CHD1: variants seen among roughly 807,000 people sequenced by gnomAD.
CHD1 encodes chromodomain helicase DNA binding protein 1.
CHD1 carries 36 observed loss-of-function variants against 224.2 expected under a neutral mutation model. The ratio of observed to expected loss-of-function variants is 0.16; its 90% CI spans 0.12 to 0.21. The LOEUF (loss-of-function observed/expected upper bound fraction) is 0.21, where lower values mean the gene tolerates loss of function less well. Among genes scored for constraint, CHD1 ranks in the 10% least tolerant of loss-of-function variants. The probability of loss-of-function intolerance (pLI) is 1.00; values close to 1 mark genes in which losing one functional copy is unlikely to be tolerated. For synonymous variants in CHD1, 668 were observed against 658.3 expected (o/e 1.01, Z -0.23); for missense variants, 1,378 against 1,994.8 (o/e 0.69, Z 5.89).
At chr5:98,856,788 G>C in intron 35 of CHD1, 63 bp from the exon 36 acceptor site, 1 of 1,072,756 alleles carries the variant, frequency 9.3e-7, no homozygotes, top group Non-Finnish European at 1.3e-6. Flanking sequence ...CCAAATAAAA[G>C]ATAACTAAAA....
intron 19 of CHD1, 150 bp from the exon 20 acceptor site, chr5:98,882,273 T>C (rs1750245951): frequency 5.1e-6 from 3 of 593,586 alleles, no homozygotes; most frequent in Non-Finnish European, 5.7e-6. Flanking sequence ...AAAACATGTT[T>C]AAAGCTAGAG....
At chr5:98,862,684 C>T (rs1056849394) in intron 32 of CHD1, among the ~76,000 whole-genome samples, 2 of 152,138 alleles carry the variant, frequency 1.3e-5, no homozygotes, top group Non-Finnish European at 2.9e-5. Flanking sequence ...CATTCTAACT[C>T]TTTGAACCTC....
chr5:98,859,937 A>G, intron 33 of CHD1, 35 bp downstream of exon 33: 1 of 1,080,760 alleles, frequency 9.3e-7, no homozygotes, highest in South Asian at 1.6e-5. Flanking sequence ...TTTTAATTAT[A>G]TAAATTCAGG....
At chr5:98,926,599 C>T (rs1268593494) in intron 1 of CHD1, 65 bp from the exon 2 acceptor site, 2 of 350,332 alleles carry the variant, frequency 5.7e-6, no homozygotes, top group African/African-American at 4.3e-5. Flanking sequence ...TAAGCCCTGT[C>T]TAAAACGTAT....
Position 98,881,096 on chromosome 5 carries a change from C to G in CHD1, c.3040G>C (p.Glu1014Gln). 6.2e-7 allele frequency: 1 copy of G among 1,609,546 alleles called. No homozygotes were observed. The highest frequency in any genetic ancestry group is 1.7e-4 in the Middle Eastern group (1 of 5,938). The change falls in exon 22 of 36, where the codon GAA becomes CAA. Residue 1014 changes from glutamate (E) to glutamine (Q), a missense_variant. By Grantham distance (29) the Glu-to-Gln change is conservative. Around this residue, in one of 16 missense-constraint regions of CHD1, gnomAD observed 286 missense variants for 445.1 expected, o/e 0.64. Transcript: ENST00000614616. ...NEPGPLTVGD[E>Q]LLSQFKVANF... ...TCTACCTTGAACTGGGAAAGCAATT[C>G]ATCTCCTACAGTTAAAGGACCTGGT...
At chr5:98,872,240 T>C (rs780543257) in intron 27 of CHD1, 39 bp from the exon 28 acceptor site, 2 of 1,567,802 alleles carry the variant, frequency 1.3e-6, no homozygotes, top group South Asian at 2.4e-5. Context: ...AGTTTGTAAT[T>C]GCCTTAACTG....
chr5:98,900,748 A>G, intron 7 of CHD1, 63 bp downstream of exon 7: 1 of 1,432,790 alleles, frequency 7.0e-7, no homozygotes, highest in Non-Finnish European at 9.6e-7. Flanking sequence ...CACTGTGCCC[A>G]GCCCTCTACT....
At chr5:98,878,709 T>C (rs2112374174) in intron 23 of CHD1, among the ~76,000 whole-genome samples, 1 of 152,254 alleles carries the variant, frequency 6.6e-6, no homozygotes, top group South Asian at 2.1e-4. Flanking sequence ...ACAAACATAG[T>C]TGAAAAATTT....
intron 2 of CHD1, among the ~76,000 whole-genome samples, chr5:98,920,459 T>C (rs184582209): frequency 1.3e-5 from 2 of 152,194 alleles, no homozygotes; most frequent in Non-Finnish European, 1.5e-5. Context: ...TTTATCTTTG[T>C]GGTATTCTTT....
intron 32 of CHD1, chr5:98,860,438 G>A: frequency 5.6e-5 from 14 of 251,886 alleles, no homozygotes; most frequent in East Asian, 1.1e-4. Flanking sequence ...TAACTGGAGT[G>A]GAAATACCAT....
intron 28 of CHD1, 69 bp downstream of exon 28, chr5:98,871,982 T>C: frequency 2.9e-6 from 4 of 1,381,130 alleles, no homozygotes; most frequent in Non-Finnish European, 3.9e-6. Context: ...CCAACATAAT[T>C]TAAAAGCAAG....
In CHD1 at chr5:98,855,690, G is replaced by T. The variant is rs910903521; in HGVS notation, c.*690C>A. 2.7e-5 allele frequency: 4 copies of T among 148,798 alleles called. No homozygotes were observed. Among genetic ancestry groups the T allele is most frequent in the African/African-American group, 9.9e-5 (4 of 40,324 alleles). The allele number at this position is 148,798 out of a possible 1,614,324, so 9.2% of individuals were successfully genotyped here. ...CTGATTTTTTTTTTTTTAATAAGAA[G>T]GCCTGAGTTGGTAGGGAAAGGAACA... On this transcript the variant is annotated 3_prime_UTR_variant, in exon 36 of 36. Transcript: ENST00000614616.
At chr5:98,858,606 A>G in intron 34 of CHD1, 1 of 511,090 alleles carries the variant, frequency 2.0e-6, no homozygotes, top group Non-Finnish European at 3.5e-6. Context: ...AAACTAAAAA[A>G]TATGGGACCT....
intron 2 of CHD1, among the ~76,000 whole-genome samples, chr5:98,910,517 T>A (rs1370906478): frequency 6.6e-6 from 1 of 152,162 alleles, no homozygotes; most frequent in African/African-American, 2.4e-5. Flanking sequence ...GGATCCAACT[T>A]CGGAGCTACA....
In CHD1 at chr5:98,928,706, G is replaced by T. The variant is rs780907114; in HGVS notation, c.-316C>A. 6.5e-6 allele frequency: 1 copy of T among 154,008 alleles called. No homozygotes were observed. The highest frequency in any genetic ancestry group is 1.8e-4 in the South Asian group (1 of 5,436). 9.5% of individuals were successfully genotyped at this position (154,008 alleles called of 1,614,324 possible). A position where few individuals can be genotyped will look rare whatever the true frequency, so the allele number is the denominator to read the frequency against. On this transcript the variant is annotated 5_prime_UTR_variant, in exon 1 of 36. Coordinates refer to ENST00000614616, the MANE Select transcript of CHD1 (RefSeq NM_001270.4). ...GACGCGGAGGGGAAGGGGAAGCCCC[G>T]GTCCGCAGCACCAACGCGCGATCCC...
chr5:98,864,517 CAAAAAAA>C (rs67061692), intron 31 of CHD1, among the ~76,000 whole-genome samples: 38 of 58,134 alleles, frequency 6.5e-4, no homozygotes, highest in East Asian at 1.4e-3. Context: ...GATTCTATAC[CAAAAAAA>C]AAAAAAAAAA....
At chr5:98,911,725 G>C (rs533458972) in intron 2 of CHD1, among the ~76,000 whole-genome samples, 1 of 152,104 alleles carries the variant, frequency 6.6e-6, no homozygotes, top group Admixed American at 6.6e-5. Flanking sequence ...GCATAACTTG[G>C]ATCTAATGAT....
At chr5:98,873,484 CT>C in intron 26 of CHD1, 108 bp downstream of exon 26, 3 of 850,338 alleles carry the variant, frequency 3.5e-6, no homozygotes, top group Non-Finnish European at 4.9e-6. Flanking sequence ...TATAAATAAC[CT>C]TTTGAGACTG....
At chr5:98,919,069 G>A (rs1316498395) in intron 2 of CHD1, among the ~76,000 whole-genome samples, 1 of 152,094 alleles carries the variant, frequency 6.6e-6, no homozygotes, top group Non-Finnish European at 1.5e-5. Context: ...TTACAACATG[G>A]CAAGATGCTG....
Sources: gnomAD v4.1 joint callset for allele counts (sites outside exome capture counted in the v4.1 genomes callset) on GRCh38, gnomAD v4.1.1 for gene constraint, gnomAD v4.1.1 regional missense constraint, MANE v1.5 for transcripts, NCBI Gene and HGNC (gene_info 2026-07-23, HGNC 2026-07-21) for gene names.